Variants in CACNA1E observed in about 807,000 individuals in gnomAD.
CACNA1E encodes the protein voltage-dependent R-type calcium channel subunit alpha-1E.
Under a neutral mutation model 259.2 loss-of-function variants are expected in CACNA1E, and 40 were observed. The observed-to-expected ratio is 0.15, with a 90% CI of 0.12 to 0.20. CACNA1E has a LOEUF of 0.20. Ranked by LOEUF, CACNA1E falls within the 10% of genes least tolerant of loss-of-function variation. The pLI is 1.00. For missense variants in CACNA1E, 1,874 were observed against 3,040.1 expected, an observed-to-expected ratio of 0.62 and a Z score of 9.02; for synonymous variants, 1,104 against 1,138.5, an observed-to-expected ratio of 0.97 and a Z score of 0.61.
rs956209778 is a variant in CACNA1E at position 181,732,009 on chromosome 1, C to T, written c.2298-375C>T. On this transcript the variant is annotated intron_variant, in intron 19 of 47. Transcript: ENST00000367573. This position sits in a 1 kb window ranked among gnomAD's most constrained non-coding sequence, Gnocchi z 5.5. ...AGACCTTTGACCTTGAATCAAGGGC[C>T]GTTGAGTGTGTACAAGCAGATGCCC... Among the ~76,000 whole-genome samples, 4 of 151,694 alleles carry T rather than the reference C, an allele frequency of 2.6e-5. No individual in the cohort carries two copies. The highest frequency in any genetic ancestry group is 2.1e-4 in the South Asian group (1 of 4,766).
chr1:181,707,952 G>A (rs1652956476), intron 7 of CACNA1E, among the ~76,000 whole-genome samples: 1 of 152,176 alleles, frequency 6.6e-6, no homozygotes, highest in African/African-American at 2.4e-5. Context: ...TAAAGGGATG[G>A]GGAAGAGGTA....
intron 35 of CACNA1E, among the ~76,000 whole-genome samples, chr1:181,767,565 C>T (rs981556386): frequency 3.3e-5 from 5 of 152,256 alleles, no homozygotes; most frequent in African/African-American, 1.2e-4. Flanking sequence ...GTGTCCCAGC[C>T]TTGCTGTGTC....
intron 7 of CACNA1E, among the ~76,000 whole-genome samples, chr1:181,658,871 T>C (rs1450590943): frequency 6.6e-6 from 1 of 151,986 alleles, no homozygotes; most frequent in Admixed American, 6.6e-5. Flanking sequence ...TCAGCACAGT[T>C]TGGGGTGGGC....
intron 43 of CACNA1E, among the ~76,000 whole-genome samples, chr1:181,788,001 G>A (rs1660990100): frequency 6.6e-6 from 1 of 152,182 alleles, no homozygotes; most frequent in African/African-American, 2.4e-5. Flanking sequence ...GTGATCAGAT[G>A]TGTGCTTTCT....
intron 18 of CACNA1E, among the ~76,000 whole-genome samples, chr1:181,730,691 C>T (rs1471249174): frequency 6.6e-6 from 1 of 152,208 alleles, no homozygotes; most frequent in Non-Finnish European, 1.5e-5. Flanking sequence ...AGCACTTGCT[C>T]CGCTGCATGT....
chr1:181,751,992 G>T (rs1347880388), intron 26 of CACNA1E, 151 bp from the exon 27 acceptor site: 1 of 711,262 alleles, frequency 1.4e-6, no homozygotes, highest in East Asian at 2.7e-5. Context: ...GATGTCCCTG[G>T]AGTCAAATCT....
At chr1:181,688,240 T>C (rs2102306329) in intron 7 of CACNA1E, among the ~76,000 whole-genome samples, 1 of 152,344 alleles carries the variant, frequency 6.6e-6, no homozygotes, top group East Asian at 1.9e-4. Context: ...GTTTTACCAC[T>C]TGTGTATATT....
chr1:181,440,483 G>C (rs1052323105), intron 2 of CACNA1E, among the ~76,000 whole-genome samples: 2 of 152,158 alleles, frequency 1.3e-5, no homozygotes, highest in African/African-American at 4.8e-5. Context: ...ATCCACCAAA[G>C]AACAATAGCA....
At chr1:181,545,249 A>G (rs546415185) in intron 3 of CACNA1E, among the ~76,000 whole-genome samples, 1 of 152,364 alleles carries the variant, frequency 6.6e-6, no homozygotes, top group African/African-American at 2.4e-5. Flanking sequence ...TAGGTTTTTT[A>G]AAACATGATT....
chr1:181,326,612 C>G (rs1650816844), intron 1 of CACNA1E, among the ~76,000 whole-genome samples: 1 of 152,196 alleles, frequency 6.6e-6, no homozygotes, highest in Non-Finnish European at 1.5e-5. Flanking sequence ...GTCCACACAT[C>G]CCTCCCTTTG....
At chr1:181,398,871 C>T (rs534031583) in intron 1 of CACNA1E, among the ~76,000 whole-genome samples, 2 of 152,318 alleles carry the variant, frequency 1.3e-5, no homozygotes, top group East Asian at 1.9e-4. Context: ...CCCTAAAAAT[C>T]AGCCTTTCAG....
rs1387936728 is a variant in CACNA1E, at chr1:181,799,010, A to C, written c.*176A>C. 1 of 538,948 alleles carries C rather than the reference A, an allele frequency of 1.9e-6. No individual in the cohort carries two copies. The highest frequency in any genetic ancestry group is 3.7e-5 in the Admixed American group (1 of 27,102). 33.4% of individuals were successfully genotyped at this position (538,948 alleles called of 1,614,324 possible). A position where few individuals can be genotyped will look rare whatever the true frequency, so the allele number is the denominator to read the frequency against. On this transcript the variant is annotated 3_prime_UTR_variant, in exon 48 of 48. Coordinates refer to ENST00000367573, the MANE Select transcript of CACNA1E (RefSeq NM_001205293.3). ...TCAGAACACCAGTCAAACCCACCAA[A>C]TTGCTTTATTCCCCTTTGCAAGATG...
rs890097018 is a variant in CACNA1E at position 181,803,429 on chromosome 1, G to A, written c.*4595G>A. The A allele has an allele frequency of 6.6e-6, 1 of 152,196 alleles. No homozygotes were observed. Among genetic ancestry groups the A allele is most frequent in the African/African-American group, 2.4e-5 (1 of 41,452 alleles). 9.4% of individuals were successfully genotyped at this position (152,196 alleles called of 1,614,324 possible). ...GCTTGTGACCTAACCTTTGTAAGAA[G>A]GTGATCAAAGAGATCCTACATTAAT... On this transcript the variant is annotated 3_prime_UTR_variant, in exon 48 of 48. Coordinates refer to ENST00000367573, the MANE Select transcript of CACNA1E (RefSeq NM_001205293.3).
intron 1 of CACNA1E, among the ~76,000 whole-genome samples, chr1:181,499,657 TGC>T (rs1558058247): frequency 1.3e-5 from 2 of 152,344 alleles, no homozygotes; most frequent in East Asian, 1.9e-4. Context: ...GAAGCCTGGC[TGC>T]ACATTAGAAT....
rs560011167 is a variant in CACNA1E at position 181,440,101 on chromosome 1, G to T, written c.434+26521G>T. 9.8e-5 allele frequency among the ~76,000 whole-genome samples: 15 copies of T among 152,322 alleles called. No individual in the cohort carries two copies. The South Asian group carries it at 2.3e-3, about 23-fold the overall frequency. On this transcript the variant is annotated intron_variant, in intron 2 of 11. Transcript: ENST00000524607. ...GTGTCAATTATCTCAGTATGGTTTG[G>T]TGACCAAATCTCAGGCAGCACCTGT... is the stretch of plus-strand genomic sequence containing the variant.
intron 7 of CACNA1E, among the ~76,000 whole-genome samples, chr1:181,688,170 C>A (rs975767783): frequency 6.6e-6 from 1 of 152,148 alleles, no homozygotes; most frequent in Non-Finnish European, 1.5e-5. Context: ...AATTGCCTTT[C>A]CTGCAACTCT....
At chr1:181,754,074 C>CA (rs957976007) in intron 27 of CACNA1E, among the ~76,000 whole-genome samples, 2 of 152,232 alleles carry the variant, frequency 1.3e-5, no homozygotes, top group Non-Finnish European at 2.9e-5. Flanking sequence ...GCCTCACACA[C>CA]AGAGCGTGGC....
At chr1:181,753,991 C>T (rs956800180) in intron 27 of CACNA1E, among the ~76,000 whole-genome samples, 1 of 152,196 alleles carries the variant, frequency 6.6e-6, no homozygotes, top group Non-Finnish European at 1.5e-5. Context: ...CGCCTTCCCC[C>T]CTGGAGGAAG....
intron 16 of CACNA1E, 73 bp downstream of exon 16, chr1:181,721,948 G>A: frequency 1.0e-6 from 1 of 981,338 alleles, no homozygotes; most frequent in Admixed American, 1.7e-5. Flanking sequence ...CATTGGTGGT[G>A]GTGGTGCTAG....
Sources: allele counts gnomAD v4.1 joint callset (sites outside exome capture counted in the v4.1 genomes callset), GRCh38; gene constraint gnomAD v4.1.1; non-coding constraint Gnocchi (gnomAD v3.1); transcripts MANE v1.5; gene names NCBI Gene and HGNC (gene_info 2026-07-23, HGNC 2026-07-21).